Variants in KCNMB4 observed in about 807,000 individuals in gnomAD.
KCNMB4 encodes potassium calcium-activated channel subfamily M regulatory beta subunit 4, also known as calcium-activated potassium channel subunit beta-4.
In KCNMB4, 3 loss-of-function variants were observed where a neutral mutation model predicts 20.7. That is an observed-to-expected ratio of 0.14 (90% CI 0.07 to 0.37). KCNMB4 has a LOEUF of 0.37. KCNMB4 is among the 10% of genes least tolerant of loss of function. The pLI, the probability that KCNMB4 is intolerant of heterozygous loss-of-function variation, is 1.00. For synonymous variants in KCNMB4, 110 were observed against 113.4 expected (o/e 0.97, Z 0.19); for missense variants, 168 against 265.9 (o/e 0.63, Z 2.56).
At chr12:70,375,945 T>C (rs1565853649) in intron 1 of KCNMB4, among the ~76,000 whole-genome samples, 2 of 152,176 alleles carry the variant, frequency 1.3e-5, no homozygotes, top group Non-Finnish European at 2.9e-5. Context: ...TAGAATGAGC[T>C]GGGAAGTGTT....
intron 2 of KCNMB4, among the ~76,000 whole-genome samples, chr12:70,418,293 G>T (rs1449516450): frequency 1.3e-5 from 2 of 152,168 alleles, no homozygotes; most frequent in Admixed American, 1.3e-4. Context: ...GCAAGTGTGT[G>T]ATCTGTGATT....
At chr12:70,403,116 A>G (rs1450554837) in intron 2 of KCNMB4, among the ~76,000 whole-genome samples, 1 of 146,498 alleles carries the variant, frequency 6.8e-6, no homozygotes, top group Non-Finnish European at 1.5e-5. Context: ...AAAGGGAACA[A>G]GGTGTTGTGG....
intron 1 of KCNMB4, among the ~76,000 whole-genome samples, chr12:70,397,804 A>T (rs1217065123): frequency 2.6e-5 from 4 of 152,190 alleles, no homozygotes; most frequent in Non-Finnish European, 4.4e-5. Flanking sequence ...GTGGTTATGA[A>T]TTGTTCTTTC....
chr12:70,413,923 A>G (rs576989804), intron 2 of KCNMB4, among the ~76,000 whole-genome samples: 1 of 152,240 alleles, frequency 6.6e-6, no homozygotes, highest in South Asian at 2.1e-4. Context: ...ATGGCTAGAG[A>G]GTTTCTGTCT....
At chr12:70,408,752 C>A (rs1412082891) in intron 2 of KCNMB4, among the ~76,000 whole-genome samples, 1 of 152,142 alleles carries the variant, frequency 6.6e-6, no homozygotes, top group African/African-American at 2.4e-5. Context: ...CAGTCTCCTT[C>A]CAAAATGTGT....
chr12:70,400,935 T>G (rs1158532070), intron 2 of KCNMB4, among the ~76,000 whole-genome samples: 1 of 152,234 alleles, frequency 6.6e-6, no homozygotes, highest in African/African-American at 2.4e-5. Context: ...GAAAATGGCA[T>G]GACCATTCAC....
intron 2 of KCNMB4, among the ~76,000 whole-genome samples, chr12:70,430,020 G>T (rs1205447597): frequency 1.3e-5 from 2 of 148,588 alleles, no homozygotes; most frequent in Non-Finnish European, 3.0e-5. Flanking sequence ...CTAAATTCAA[G>T]CAGTGGCTTT....
chr12:70,395,155 T>TTTTTTTTTTTTTTTTTTTTTTG (rs1555212238), intron 1 of KCNMB4, among the ~76,000 whole-genome samples: 6 of 151,316 alleles, frequency 4.0e-5, no homozygotes, highest in African/African-American at 9.8e-5. Context: ...GATAATGTTT[T>TTTTTTTTTTTTTTTTTTTTTTG]AAGAATTCAT....
At chr12:70,422,843 A>G in intron 2 of KCNMB4, 1 of 1,234,504 alleles carries the variant, frequency 8.1e-7, no homozygotes, top group Non-Finnish European at 1.0e-6. Flanking sequence ...AATAATTACC[A>G]CACAGTGTGA....
intron 1 of KCNMB4, among the ~76,000 whole-genome samples, chr12:70,393,841 A>C (rs1040153766): frequency 9.7e-5 from 3 of 30,850 alleles, no homozygotes; most frequent in African/African-American, 8.4e-4. Context: ...TTGTCCTCCA[A>C]GGCACATTAG....
intron 1 of KCNMB4, among the ~76,000 whole-genome samples, chr12:70,373,739 C>T (rs1458881908): frequency 1.3e-5 from 2 of 152,086 alleles, no homozygotes; most frequent in Non-Finnish European, 2.9e-5. Context: ...CTAATTTGGG[C>T]TGGGTGTGGT....
At chr12:70,422,128 C>T (rs1869083365) in intron 2 of KCNMB4, among the ~76,000 whole-genome samples, 1 of 152,086 alleles carries the variant, frequency 6.6e-6, no homozygotes, top group Non-Finnish European at 1.5e-5. Context: ...AGTAGGTTAA[C>T]AAGGTGAGAA....
intron 1 of KCNMB4, among the ~76,000 whole-genome samples, chr12:70,385,264 G>T (rs980060485): frequency 6.6e-6 from 1 of 152,126 alleles, no homozygotes; most frequent in Non-Finnish European, 1.5e-5. Context: ...AACCCCTCCT[G>T]GGTTGGAGCT....
chr12:70,389,997 A>G (rs79009533), intron 1 of KCNMB4, among the ~76,000 whole-genome samples: 2,587 of 152,314 alleles, frequency 0.017, 79 homozygotes, highest in African/African-American at 0.059. Context: ...CAAGTTTACT[A>G]TTTGTTAACC....
chr12:70,400,395 A>G, intron 2 of KCNMB4, 59 bp downstream of exon 2: 1 of 1,536,346 alleles, frequency 6.5e-7, no homozygotes, highest in Non-Finnish European at 8.8e-7. Context: ...AGCTTATTAC[A>G]CTGTTATATC....
At chr12:70,370,217 C>T (rs867081916) in intron 1 of KCNMB4, among the ~76,000 whole-genome samples, 20 of 151,920 alleles carry the variant, frequency 1.3e-4, no homozygotes, top group African/African-American at 4.3e-4. Flanking sequence ...GAAAAACAAC[C>T]TGAGAACCAA....
intron 2 of KCNMB4, among the ~76,000 whole-genome samples, chr12:70,401,236 G>A (rs927575004): frequency 1.3e-5 from 2 of 152,076 alleles, no homozygotes; most frequent in Non-Finnish European, 2.9e-5. Context: ...ATGTTGACCA[G>A]GCTGGTATCT....
chr12:70,400,977 T>A (rs1046525166), intron 2 of KCNMB4, among the ~76,000 whole-genome samples: 1 of 152,174 alleles, frequency 6.6e-6, no homozygotes, highest in Non-Finnish European at 1.5e-5. Flanking sequence ...CTTTGAGTAA[T>A]GCTTAGTTCA....
At chr12:70,381,192 A>G (rs1019773375) in intron 1 of KCNMB4, among the ~76,000 whole-genome samples, 2 of 152,198 alleles carry the variant, frequency 1.3e-5, no homozygotes, top group African/African-American at 4.8e-5. Context: ...TCAAAACCCC[A>G]ATGAAATACC....
Sources: allele counts gnomAD v4.1 joint callset (sites outside exome capture counted in the v4.1 genomes callset), GRCh38; gene constraint gnomAD v4.1.1; transcripts MANE v1.5; gene names NCBI Gene and HGNC (gene_info 2026-07-23, HGNC 2026-07-21).